The following CATSPER3 variants were observed in gnomAD, a reference collection of about 807,000 sequenced individuals.
CATSPER3 encodes cation channel sperm-associated protein 3.
In CATSPER3, 23 loss-of-function variants were observed where a neutral mutation model predicts 36.6. That is an observed-to-expected ratio of 0.63 (90% CI 0.45 to 0.89). The LOEUF (loss-of-function observed/expected upper bound fraction) is 0.89. Ranked by LOEUF, CATSPER3 falls within the 40% of genes least tolerant of loss-of-function variation. The pLI is 0.00. For synonymous variants in CATSPER3, 172 were observed against 184.1 expected (o/e 0.93, Z 0.53); for missense variants, 474 against 503.9 (o/e 0.94, Z 0.57).
At chr5:134,972,314 A>G (rs1222219918) in intron 2 of CATSPER3, among the ~76,000 whole-genome samples, 1 of 152,224 alleles carries the variant, frequency 6.6e-6, no homozygotes, top group Non-Finnish European at 1.5e-5. Flanking sequence ...CAAGCATTTC[A>G]GATAAGAGAT....
chr5:135,005,890 T>G lies in CATSPER3; in HGVS notation c.493-2067T>G, dbSNP rs530975309. 4.1e-4 allele frequency among the ~76,000 whole-genome samples: 63 copies of G among 152,324 alleles called. 1 individual carries two copies. Among genetic ancestry groups the G allele is most frequent in the Non-Finnish European group, 7.4e-5 (5 of 68,012 alleles). ...CATCTTCCACACATCCAATGGGCTGTGTAGGAGGGGTCCCTCCAAGCACTG... is the reference window on the plus strand; with the variant it reads ...CATCTTCCACACATCCAATGGGCTGGGTAGGAGGGGTCCCTCCAAGCACTG... On this transcript the variant is annotated intron_variant, in intron 3 of 7. Transcript: ENST00000282611.
At chr5:134,996,631 T>TG in intron 3 of CATSPER3, 119 bp downstream of exon 3, 2 of 912,790 alleles carry the variant, frequency 2.2e-6, no homozygotes, top group Non-Finnish European at 3.4e-6. Flanking sequence ...CCAACGTGTG[T>TG]GGCAGGTTGA....
intron 3 of CATSPER3, among the ~76,000 whole-genome samples, chr5:135,004,340 G>A (rs299372): frequency 0.27 from 41,253 of 152,100 alleles, 6,557 homozygotes; most frequent in South Asian, 0.52. Context: ...GATCTTGAAA[G>A]TGCACATCCA....
At chr5:134,983,822 G>T (rs892154405) in intron 2 of CATSPER3, among the ~76,000 whole-genome samples, 4 of 152,042 alleles carry the variant, frequency 2.6e-5, no homozygotes, top group Non-Finnish European at 4.4e-5. Flanking sequence ...TTAAAATATT[G>T]AAATCAAAGC....
Position 134,992,122 on chromosome 5 carries a change from G to GA in CATSPER3, c.253-4138dup, listed in dbSNP as rs570177877. Among the ~76,000 whole-genome samples, 548 of 123,344 alleles carry GA rather than the reference G, an allele frequency of 4.4e-3. 2 individuals are homozygous for GA. Among genetic ancestry groups the GA allele is most frequent in the South Asian group, 0.01 (41 of 3,930 alleles). 80.9% of individuals were successfully genotyped at this position (123,344 alleles called of 152,430 possible). Reference sequence around the variant, plus strand: ...GGATGACAGAGCAAGACCCTGTTTTGAAAAAAAAAAAAAGTGAAAAGACAA... The same window carrying GA: ...GGATGACAGAGCAAGACCCTGTTTTGAAAAAAAAAAAAAAGTGAAAAGACAA... On this transcript the variant is annotated intron_variant, in intron 2 of 7. Transcript: ENST00000282611.
intron 2 of CATSPER3, among the ~76,000 whole-genome samples, chr5:134,971,174 C>T (rs557172084): frequency 2.0e-5 from 3 of 152,276 alleles, no homozygotes; most frequent in East Asian, 3.9e-4. Context: ...TGGTCTCAAT[C>T]TCCTGACCTC....
chr5:134,970,205 G>A (rs1011024488), intron 2 of CATSPER3, 113 bp downstream of exon 2: 4 of 1,043,602 alleles, frequency 3.8e-6, no homozygotes, highest in Non-Finnish European at 4.4e-6. Context: ...TGTCAGGCTG[G>A]AGTGCAGTGG....
chr5:134,988,943 A>T (rs1461864950), intron 2 of CATSPER3, among the ~76,000 whole-genome samples: 1 of 152,170 alleles, frequency 6.6e-6, no homozygotes, highest in Non-Finnish European at 1.5e-5. Context: ...CTTAAATAAT[A>T]AGAGTTAAAA....
chr5:134,997,203 G>A (rs895101638), intron 3 of CATSPER3, among the ~76,000 whole-genome samples: 4 of 152,324 alleles, frequency 2.6e-5, no homozygotes, highest in South Asian at 2.1e-4. Context: ...GGGGTGTGTC[G>A]TCCTGTCCTG....
intron 6 of CATSPER3, among the ~76,000 whole-genome samples, chr5:135,010,075 C>T (rs1752159566): frequency 6.6e-6 from 1 of 152,210 alleles, no homozygotes; most frequent in Non-Finnish European, 1.5e-5. Context: ...TCCTTGTCCT[C>T]TTCTCTGGGG....
chr5:134,990,544 A>G (rs890071017), intron 2 of CATSPER3, among the ~76,000 whole-genome samples: 4 of 152,218 alleles, frequency 2.6e-5, no homozygotes, highest in Admixed American at 2.6e-4. Context: ...TTCAGTGCCC[A>G]AGATATTTTC....
chr5:134,969,412 G>C (rs1278782466), intron 1 of CATSPER3: 1 of 171,062 alleles, frequency 5.8e-6, no homozygotes, highest in Non-Finnish European at 1.3e-5. Flanking sequence ...TGGTATTGCT[G>C]TAGAACATAT....
intron 2 of CATSPER3, among the ~76,000 whole-genome samples, chr5:134,983,589 A>G (rs892750623): frequency 6.6e-6 from 1 of 152,200 alleles, no homozygotes; most frequent in African/African-American, 2.4e-5. Flanking sequence ...AAAGGATGGA[A>G]AAAGATATTC....
At chr5:134,985,184 A>G (rs960523796) in intron 2 of CATSPER3, among the ~76,000 whole-genome samples, 1 of 152,242 alleles carries the variant, frequency 6.6e-6, no homozygotes, top group Non-Finnish European at 1.5e-5. Flanking sequence ...CTAAGTGCCC[A>G]TCAACCAATG....
intron 2 of CATSPER3, among the ~76,000 whole-genome samples, chr5:134,971,797 G>GT (rs1469910624): frequency 1.3e-5 from 2 of 152,128 alleles, no homozygotes; most frequent in Non-Finnish European, 2.9e-5. Flanking sequence ...AATTGAGCAG[G>GT]TTAGAGACAT....
At chr5:134,971,862 C>A (rs1751611368) in intron 2 of CATSPER3, among the ~76,000 whole-genome samples, 1 of 152,086 alleles carries the variant, frequency 6.6e-6, no homozygotes, top group East Asian at 1.9e-4. Flanking sequence ...CAGGATACCT[C>A]AAAAATCAAG....
chr5:134,974,712 C>T (rs896306576), intron 2 of CATSPER3, among the ~76,000 whole-genome samples: 2 of 152,054 alleles, frequency 1.3e-5, no homozygotes, highest in African/African-American at 2.4e-5. Context: ...CAGAGGCAGT[C>T]GAGGTGGTGG....
At chr5:134,986,208 A>T (rs1017848526) in intron 2 of CATSPER3, among the ~76,000 whole-genome samples, 2 of 151,586 alleles carry the variant, frequency 1.3e-5, no homozygotes, top group Admixed American at 6.6e-5. Flanking sequence ...GCAATGGCAC[A>T]ATCTCAGCTC....
intron 3 of CATSPER3, among the ~76,000 whole-genome samples, chr5:135,000,899 G>C (rs1023197181): frequency 1.3e-5 from 2 of 151,880 alleles, no homozygotes; most frequent in Admixed American, 6.6e-5. Flanking sequence ...TTTTTTGAAG[G>C]GTTTCTTTTT....
Sources: allele counts gnomAD v4.1 joint callset (sites outside exome capture counted in the v4.1 genomes callset), GRCh38; gene constraint gnomAD v4.1.1; transcripts MANE v1.5; gene names NCBI Gene and HGNC (gene_info 2026-07-23, HGNC 2026-07-21).